PRIM2: variants seen among roughly 807,000 people sequenced by gnomAD.
PRIM2 encodes the protein DNA primase large subunit.
Under a neutral mutation model 67.3 loss-of-function variants are expected in PRIM2, and 39 were observed. The observed-to-expected ratio is 0.58, with a 90% CI of 0.45 to 0.76. The LOEUF is 0.76. Among genes scored for constraint, PRIM2 ranks in the 30% least tolerant of loss-of-function variants. The pLI, the probability that PRIM2 is intolerant of heterozygous loss-of-function variation, is 0.00. For synonymous variants in PRIM2, 143 were observed against 198.7 expected (o/e 0.72, Z 2.36); for missense variants, 398 against 598.7 (o/e 0.66, Z 3.50).
chr6:57,455,011 C>T (rs201845553), intron 7 of PRIM2, among the ~76,000 whole-genome samples: 19 of 152,024 alleles, frequency 1.2e-4, no homozygotes, highest in Admixed American at 9.8e-4. Flanking sequence ...GTTTCAAAGA[C>T]CATCTTTATT....
rs1326755306 is a variant in PRIM2 at position 57,438,181 on chromosome 6, A to G, written c.693+56013A>G. Among the ~76,000 whole-genome samples, 6 of 152,338 alleles carry G rather than the reference A, an allele frequency of 3.9e-5. No individual in the cohort carries two copies. In the East Asian group the frequency reaches 1.2e-3, roughly 29 times the overall value. ...TCAAATATATAATTTGTTCTTTTAG[A>G]TTTTTTTAAAACCTCATAAATGTAA... On this transcript the variant is annotated intron_variant, in intron 7 of 13. Transcript: ENST00000615550.
intron 5 of PRIM2, among the ~76,000 whole-genome samples, chr6:57,363,480 A>T (rs1340346593): frequency 6.6e-6 from 1 of 152,200 alleles, no homozygotes; most frequent in African/African-American, 2.4e-5. Context: ...CAAAGAAGAA[A>T]TAAGAGATTG....
Position 57,508,172 on chromosome 6 carries a change from G to GCTGA in PRIM2, c.761+718_761+719insCTGA, listed in dbSNP as rs1158909436. Among the ~76,000 whole-genome samples the GCTGA allele has an allele frequency of 3.9e-5, 6 of 152,034 alleles. No individual in the cohort carries two copies. The East Asian group carries it at 9.7e-4, about 24-fold the overall frequency. The stretch of plus-strand genomic sequence containing the variant: ...GACTGGTCTCGAACTCCTGACCTCA[G>GCTGA]GTGATCCACCTGCCTCAGCCTCCCA... On this transcript the variant is annotated intron_variant, in intron 8 of 13. Coordinates refer to ENST00000615550, the MANE Select transcript of PRIM2 (RefSeq NM_000947.5).
chr6:57,382,072 A>G lies in PRIM2; in HGVS notation c.597A>G (p.Lys199=), dbSNP rs752059352. 3.7e-6 allele frequency: 6 copies of G among 1,612,600 alleles called. No individual in the cohort carries two copies. The African/African-American group carries it at 6.7e-5, about 18-fold the overall frequency. Reference sequence around the variant, plus strand: ...CTCTGGATTTGTTTCGAGGAAGGAAAGTCTATTTGGAAGATGGCTTTGCTT... The same window carrying G: ...CTCTGGATTTGTTTCGAGGAAGGAAGGTCTATTTGGAAGATGGCTTTGCTT... The part of the protein sequence containing the change: ...ADALDLFRGR[K]VYLEDGFAYV... Residue 199 remains lysine (K), a synonymous_variant, in exon 7 of 14, where the codon AAA becomes AAG. Transcript: ENST00000615550.
intron 5 of PRIM2, among the ~76,000 whole-genome samples, chr6:57,375,098 A>T (rs1481739188): frequency 6.6e-6 from 1 of 152,236 alleles, no homozygotes; most frequent in African/African-American, 2.4e-5. Flanking sequence ...AACTTTCAAG[A>T]CTATGTTGAA....
intron 10 of PRIM2, among the ~76,000 whole-genome samples, chr6:57,542,610 T>G (rs1183822183): frequency 6.6e-6 from 1 of 152,126 alleles, no homozygotes; most frequent in Admixed American, 6.5e-5. Flanking sequence ...AAATAAATAA[T>G]TTTTTAGTTT....
intron 10 of PRIM2, among the ~76,000 whole-genome samples, chr6:57,575,624 G>C (rs1775949154): frequency 6.6e-6 from 1 of 152,098 alleles, no homozygotes; most frequent in Admixed American, 6.5e-5. Flanking sequence ...TAATTACCAA[G>C]TGGTTGGAAA....
intron 7 of PRIM2, among the ~76,000 whole-genome samples, chr6:57,503,715 C>T (rs1774192163): frequency 6.6e-6 from 1 of 151,798 alleles, no homozygotes; most frequent in South Asian, 2.1e-4. Context: ...AAGATCACAC[C>T]ACTGCACTCC....
chr6:57,631,159 TATATTCA>T lies in PRIM2; in HGVS notation c.1231-970_1231-964del, dbSNP rs1329106659. On this transcript the variant is annotated intron_variant, in intron 12 of 13. Transcript: ENST00000615550. Reference sequence around the variant, plus strand: ...GTGTATCTGTCAAATGACATTAAGCTATATTCAATAATGAGGATAGCAAGAATTTGAG... The same window carrying T: ...GTGTATCTGTCAAATGACATTAAGCTATAATGAGGATAGCAAGAATTTGAG... 5.3e-5 allele frequency among the ~76,000 whole-genome samples: 8 copies of T among 152,326 alleles called. No individual in the cohort carries two copies. The East Asian group carries it at 1.5e-3, about 29-fold the overall frequency.
At chr6:57,427,407 C>T (rs1771668921) in intron 7 of PRIM2, among the ~76,000 whole-genome samples, 2 of 152,170 alleles carry the variant, frequency 1.3e-5, no homozygotes, top group South Asian at 2.1e-4. Context: ...CAACCTCCGT[C>T]TCCTGGGTTC....
intron 7 of PRIM2, among the ~76,000 whole-genome samples, chr6:57,430,502 G>A (rs1771787390): frequency 7.5e-6 from 1 of 132,808 alleles, no homozygotes; most frequent in Non-Finnish European, 1.6e-5. Context: ...TGCCCAGGCT[G>A]GAGTGCAGTG....
chr6:57,340,060 C>T (rs1162612801), intron 5 of PRIM2, among the ~76,000 whole-genome samples: 1 of 151,954 alleles, frequency 6.6e-6, no homozygotes, highest in Non-Finnish European at 1.5e-5. Flanking sequence ...TGAACAGACA[C>T]TTCTCAAAAG....
chr6:57,486,265 C>A (rs1773750967), intron 7 of PRIM2, among the ~76,000 whole-genome samples: 1 of 152,150 alleles, frequency 6.6e-6, no homozygotes, highest in Non-Finnish European at 1.5e-5. Flanking sequence ...TCATTTAACC[C>A]ATTTATGCAT....
intron 7 of PRIM2, among the ~76,000 whole-genome samples, chr6:57,488,835 TG>T (rs1244098053): frequency 6.6e-6 from 1 of 152,218 alleles, no homozygotes; most frequent in Non-Finnish European, 1.5e-5. Context: ...AGGGAGGTTG[TG>T]GGTGTGCCCT....
At chr6:57,550,842 T>C (rs1243287670) in intron 10 of PRIM2, among the ~76,000 whole-genome samples, 2 of 152,196 alleles carry the variant, frequency 1.3e-5, no homozygotes, top group Non-Finnish European at 2.9e-5. Flanking sequence ...TAATTGGCCA[T>C]GTCTCTGGAC....
chr6:57,623,479 TTATA>T (rs1776893813), intron 12 of PRIM2, among the ~76,000 whole-genome samples: 1 of 152,178 alleles, frequency 6.6e-6, no homozygotes, highest in Non-Finnish European at 1.5e-5. Flanking sequence ...AATACTCTGT[TTATA>T]TAGTTACACA....
At chr6:57,330,348 G>GGTTTTTTTTTTTTTT (rs1768009702) in intron 5 of PRIM2, among the ~76,000 whole-genome samples, 4 of 87,838 alleles carry the variant, frequency 4.6e-5, no homozygotes, top group East Asian at 6.4e-4. Context: ...TGCTGAACTT[G>GGTTTTTTTTTTTTTT]TTTTTTTTTT....
At chr6:57,290,568 C>T in the PRIM2 span, among the ~76,000 whole-genome samples, 9 of 152,292 alleles carry the variant, frequency 5.9e-5, no homozygotes, top group East Asian at 1.9e-4. Context: ...CTCAGCACCA[C>T]GTCGCACTTA....
rs1471912888 is a variant in PRIM2, at chr6:57,629,401, T to G, written c.1231-2732T>G. Among the ~76,000 whole-genome samples the G allele has an allele frequency of 2.0e-5, 3 of 152,226 alleles. No homozygotes were observed. In the South Asian group the frequency reaches 6.2e-4, roughly 32 times the overall value. On this transcript the variant is annotated intron_variant, in intron 12 of 13. Transcript: ENST00000615550. The stretch of plus-strand genomic sequence containing the variant: ...TTATTTTATATGATAGGTTTGTTTT[T>G]CATATTCGCATTTTCCCGAGTTTTA...
Sources: allele counts gnomAD v4.1 joint callset (sites outside exome capture counted in the v4.1 genomes callset), GRCh38; gene constraint gnomAD v4.1.1; transcripts MANE v1.5; gene names NCBI Gene and HGNC (gene_info 2026-07-23, HGNC 2026-07-21).